The following PLEKHA6 variants were observed in gnomAD, a reference collection of about 807,000 sequenced individuals.
PLEKHA6 encodes the protein pleckstrin homology domain containing A6, also known as pleckstrin homology domain-containing family A member 6.
In PLEKHA6, 60 loss-of-function variants were observed where a neutral mutation model predicts 116.7. The observed-to-expected ratio is 0.51, with a 90% confidence interval of 0.42 to 0.64. The LOEUF is 0.64. Ranked by LOEUF, PLEKHA6 falls within the 30% of genes least tolerant of loss-of-function variation. The pLI, the probability that PLEKHA6 is intolerant of heterozygous loss-of-function variation, is 0.00. For missense variants in PLEKHA6, 1,338 were observed against 1,422.7 expected (o/e 0.94, Z 0.96); for synonymous variants, 489 against 556.1 (o/e 0.88, Z 1.70).
At chr1:204,274,249 A>G (rs1301234167) in intron 2 of PLEKHA6, among the ~76,000 whole-genome samples, 1 of 152,154 alleles carries the variant, frequency 6.6e-6, no homozygotes, top group Non-Finnish European at 1.5e-5. Flanking sequence ...ATTTATTTTA[A>G]AATCTAGACC....
At chr1:204,278,096 T>C (rs1008103670) in intron 1 of PLEKHA6, 1 of 152,212 alleles carries the variant, frequency 6.6e-6, no homozygotes, top group Non-Finnish European at 1.5e-5. Context: ...TCGATGTTAA[T>C]TCCCCTGAAT....
intron 21 of PLEKHA6, among the ~76,000 whole-genome samples, chr1:204,227,195 C>T (rs574979897): frequency 1.6e-4 from 25 of 152,340 alleles, no homozygotes; most frequent in Admixed American, 6.5e-4. Context: ...TGCACACCTG[C>T]TCTAGCTTCT....
Position 204,264,958 on chromosome 1 carries a change from C to T in PLEKHA6, c.365G>A (p.Arg122Gln), listed in dbSNP as rs1189385220. Residue 122 changes from arginine (R) to glutamine (Q), a missense_variant, in exon 6 of 23, where the codon CGG becomes CAG. Around this residue, in one of 3 missense-constraint regions of PLEKHA6, gnomAD observed 140 missense variants for 197.4 expected, o/e 0.71. Transcript: ENST00000272203. ...AAVQPSDNIS[R>Q]KHTFKAEHAG... is the part of the protein sequence containing the mutation. ...CCAACTGACCTTAAACGTGTGTTTC[C>T]GGCTGATGTTGTCTGAGGGCTGCAC... 4.3e-6 allele frequency: 7 copies of T among 1,613,518 alleles called. No homozygotes were observed. Among genetic ancestry groups the T allele is most frequent in the South Asian group, 1.1e-5 (1 of 91,064 alleles).
intron 1 of PLEKHA6, among the ~76,000 whole-genome samples, chr1:204,354,057 A>G (rs1191380200): frequency 6.6e-6 from 1 of 152,190 alleles, no homozygotes; most frequent in Non-Finnish European, 1.5e-5. Context: ...GGCTAATTGC[A>G]AGAATTTGTC....
chr1:204,277,992 C>T lies in PLEKHA6; in HGVS notation c.-94-3183G>A, dbSNP rs768835816. 6.6e-6 allele frequency: 1 copy of T among 152,218 alleles called. No homozygotes were observed. The highest frequency in any genetic ancestry group is 1.5e-5 in the Non-Finnish European group (1 of 68,098). 9.4% of individuals were successfully genotyped at this position (152,218 alleles called of 1,614,324 possible). A position where few individuals can be genotyped will look rare whatever the true frequency, so the allele number is the denominator to read the frequency against. On this transcript the variant is annotated intron_variant, in intron 1 of 22. Transcript: ENST00000272203. This position sits in a 1 kb window ranked among gnomAD's most constrained non-coding sequence, Gnocchi z 4.1. ...CAGCAAATGGGGCTTGAGAGGGGGTCACTGTGTGTTTATGGCTGAAAATCT... is the reference window on the plus strand; with the variant it reads ...CAGCAAATGGGGCTTGAGAGGGGGTTACTGTGTGTTTATGGCTGAAAATCT...
At position 204,317,381 on chromosome 1, in the gene PLEKHA6, G is replaced by A. The variant is rs576040771; in HGVS notation, c.-95+42313C>T. On this transcript the variant is annotated intron_variant, in intron 1 of 22. Coordinates refer to ENST00000272203, the MANE Select transcript of PLEKHA6 (RefSeq NM_014935.5). ...CCAGGCCTCTTCGGAGAGTTTATCA[G>A]CAGAATCTGCCCAACCAGGAATGCA... 6 of 164,984 alleles carry A rather than the reference G, an allele frequency of 3.6e-5. No homozygotes were observed. The South Asian group carries it at 9.9e-4, about 27-fold the overall frequency. 10.2% of individuals were successfully genotyped at this position (164,984 alleles called of 1,614,324 possible).
At chr1:204,282,817 G>T (rs1254227739) in intron 1 of PLEKHA6, 2 of 985,256 alleles carry the variant, frequency 2.0e-6, no homozygotes, top group African/African-American at 3.5e-5. Flanking sequence ...TAAAGAGAGG[G>T]GGAATTCAAA....
At chr1:204,270,529 G>A (rs149470068) in intron 3 of PLEKHA6, among the ~76,000 whole-genome samples, 46 of 152,176 alleles carry the variant, frequency 3.0e-4, no homozygotes, top group African/African-American at 1.1e-3. Context: ...AGAACTCCAC[G>A]TTATCTTACA....
intron 15 of PLEKHA6, among the ~76,000 whole-genome samples, chr1:204,244,325 T>G (rs1243209060): frequency 6.8e-6 from 1 of 148,112 alleles, no homozygotes; most frequent in African/African-American, 2.5e-5. Context: ...TTTTTTTTAG[T>G]AAAGATGGGG....
At chr1:204,333,106 G>C (rs770295789) in intron 1 of PLEKHA6, among the ~76,000 whole-genome samples, 1 of 152,190 alleles carries the variant, frequency 6.6e-6, no homozygotes, top group Non-Finnish European at 1.5e-5. Context: ...CCCAGGCCTC[G>C]GGCACCCTGC....
In PLEKHA6 at chr1:204,228,434, TA is replaced by T. The variant is rs1215238567; in HGVS notation, c.2886-207del. ...CTACCTTCAATGTTCTCAAATGAAT[TA>T]AAAGGTTCAAGTGAGCATTTAGGGC... On this transcript the variant is annotated intron_variant, in intron 20 of 22. Coordinates refer to ENST00000272203, the MANE Select transcript of PLEKHA6 (RefSeq NM_014935.5). This position sits in a 1 kb window ranked among gnomAD's most constrained non-coding sequence, Gnocchi z 4.0. 2.6e-5 allele frequency among the ~76,000 whole-genome samples: 4 copies of T among 151,858 alleles called. No individual in the cohort carries two copies. The highest frequency in any genetic ancestry group is 9.7e-5 in the African/African-American group (4 of 41,320).
At chr1:204,341,853 A>G (rs981058850) in intron 1 of PLEKHA6, among the ~76,000 whole-genome samples, 2 of 152,234 alleles carry the variant, frequency 1.3e-5, no homozygotes, top group Non-Finnish European at 2.9e-5. Flanking sequence ...GTATGTTACT[A>G]ATAAAATGGG....
Position 204,231,556 on chromosome 1 carries a change from G to T in PLEKHA6, c.2410-970C>A, listed in dbSNP as rs528114841. ...CACAGTTGTTATCCTGTATTGTTGG[G>T]TTTTTTTTCTTTCTTTTTTTTTTTT... On this transcript the variant is annotated intron_variant, in intron 17 of 22. Transcript: ENST00000272203. Among the ~76,000 whole-genome samples, 244 of 143,588 alleles carry T rather than the reference G, an allele frequency of 1.7e-3. 2 individuals carry two copies. The highest frequency in any genetic ancestry group is 0.011 in the Middle Eastern group (3 of 268). The allele number at this position is 143,588 out of a possible 152,430, so 94.2% of individuals were successfully genotyped here. A position where few individuals can be genotyped will look rare whatever the true frequency, so the allele number is the denominator to read the frequency against.
intron 3 of PLEKHA6, among the ~76,000 whole-genome samples, chr1:204,269,595 A>T (rs1667241375): frequency 6.6e-6 from 1 of 151,500 alleles, no homozygotes; most frequent in Non-Finnish European, 1.5e-5. Context: ...TGTCCTCCCG[A>T]CAATGGACCT....
At chr1:204,373,822 A>T (rs1222881341) in intron 1 of PLEKHA6, among the ~76,000 whole-genome samples, 1 of 152,174 alleles carries the variant, frequency 6.6e-6, no homozygotes, top group Non-Finnish European at 1.5e-5. Context: ...CAGAGAAAAA[A>T]CAAAGTCACT....
intron 1 of PLEKHA6, among the ~76,000 whole-genome samples, chr1:204,313,267 C>T (rs923813591): frequency 1.3e-5 from 2 of 152,172 alleles, no homozygotes; most frequent in Non-Finnish European, 2.9e-5. Context: ...TGGTTCCTGA[C>T]TAATCGCCCT....
chr1:204,375,061 T>G (rs1231689519), intron 1 of PLEKHA6, among the ~76,000 whole-genome samples: 1 of 152,124 alleles, frequency 6.6e-6, no homozygotes, highest in East Asian at 1.9e-4. Flanking sequence ...TCTACCCTGG[T>G]CCTGGTGCTG....
At chr1:204,308,982 C>A (rs898938787) in intron 1 of PLEKHA6, 1 of 654,850 alleles carries the variant, frequency 1.5e-6, no homozygotes, top group Non-Finnish European at 1.9e-6. Flanking sequence ...AGCCACCACG[C>A]CCGGCCTCAA....
intron 4 of PLEKHA6, among the ~76,000 whole-genome samples, 180 bp from the exon 5 acceptor site, chr1:204,267,727 T>G (rs1264931485): frequency 2.0e-5 from 3 of 152,086 alleles, no homozygotes; most frequent in African/African-American, 7.2e-5. Flanking sequence ...GACATTAGAT[T>G]GTTGCCTGTG....
Sources: allele counts gnomAD v4.1 joint callset (sites outside exome capture counted in the v4.1 genomes callset), GRCh38; gene constraint gnomAD v4.1.1; regional missense constraint gnomAD v4.1.1; non-coding constraint Gnocchi (gnomAD v3.1); transcripts MANE v1.5; gene names NCBI Gene and HGNC (gene_info 2026-07-23, HGNC 2026-07-21).